Variants in ZNF254 observed in about 807,000 individuals in gnomAD.
ZNF254 encodes CTD-2017D11.1.
In ZNF254, 10 loss-of-function variants were observed where a neutral mutation model predicts 12.4. That is an observed-to-expected ratio of 0.80 (90% CI 0.50 to 1.36). The LOEUF (loss-of-function observed/expected upper bound fraction) is 1.36, where lower values mean the gene tolerates loss of function less well. Among genes scored for constraint, ZNF254 ranks in the 40% most tolerant of loss-of-function variants. The pLI, the probability that ZNF254 is intolerant of heterozygous loss-of-function variation, is 0.00. For missense variants in ZNF254, 996 were observed against 763.9 expected (o/e 1.30, Z -3.58); for synonymous variants, 305 against 253.4 (o/e 1.20, Z -1.93).
intron 2 of ZNF254, among the ~76,000 whole-genome samples, chr19:24,068,354 G>A (rs1425615814): frequency 6.6e-6 from 1 of 151,922 alleles, no homozygotes; most frequent in East Asian, 1.9e-4. Context: ...AGGTTGGAGT[G>A]CAGCGATGTG....
intron 3 of ZNF254, among the ~76,000 whole-genome samples, chr19:24,120,289 T>G (rs1974389264): frequency 6.6e-6 from 1 of 152,108 alleles, no homozygotes; most frequent in East Asian, 1.9e-4. Context: ...GAATTAAAGA[T>G]GAGACTTGGG....
chr19:24,049,198 ATATATATATATATATATT>A (rs1970532411), intron 2 of ZNF254, among the ~76,000 whole-genome samples: 1 of 61,208 alleles, frequency 1.6e-5, no homozygotes, highest in Non-Finnish European at 3.1e-5. Context: ...ATATATATAT[ATATATATATATATATATT>A]TTTTTTTTTT....
At chr19:24,115,338 T>C (rs1401006124) in intron 3 of ZNF254, among the ~76,000 whole-genome samples, 1 of 152,150 alleles carries the variant, frequency 6.6e-6, no homozygotes, top group Admixed American at 6.5e-5. Context: ...TGGAATACTA[T>C]GCAGCCATCA....
chr19:24,084,714 ACCT>A (rs1480303634), upstream of ZNF254, among the ~76,000 whole-genome samples: 7 of 150,974 alleles, frequency 4.6e-5, no homozygotes, highest in Non-Finnish European at 1.0e-4. Flanking sequence ...TGCAGCCTCG[ACCT>A]CCTTGGTTCA....
intron 2 of ZNF254, among the ~76,000 whole-genome samples, chr19:24,076,532 G>C (rs199800160): frequency 6.6e-6 from 1 of 152,106 alleles, no homozygotes; most frequent in South Asian, 2.1e-4. Flanking sequence ...CTAACCTGGG[G>C]TTGCAGCCCA....
rs1555772550 is a variant in ZNF254, at chr19:24,127,211, AACTC to A, written c.1212_1215del (p.Lys404AsnfsTer22). The A allele has an allele frequency of 5.0e-6, 8 of 1,613,240 alleles. No individual in the cohort carries two copies. Among genetic ancestry groups the A allele is most frequent in the Middle Eastern group, 1.7e-4 (1 of 6,058 alleles). On this transcript the variant is annotated frameshift_variant, in exon 4 of 4. Transcript: ENST00000357002. LOFTEE classifies it low-confidence loss of function (END_TRUNC). ...CATAAAATAATTCATGTTGGAGAGA[AACTC>A]TACAAATGTGAAGAATGCGGCAAAG...
At chr19:24,080,604 G>A (rs898809425) in intron 2 of ZNF254, 2 of 152,070 alleles carry the variant, frequency 1.3e-5, no homozygotes, top group African/African-American at 2.4e-5. Context: ...GGCCGAGGTG[G>A]GTGGATGACT....
At chr19:24,046,398 T>TATATATATATATATATATATAG (rs1970392417) in intron 2 of ZNF254, 1 of 146,846 alleles carries the variant, frequency 6.8e-6, no homozygotes, top group African/African-American at 2.5e-5. Flanking sequence ...TATATATATA[T>TATATATATATATATATATATAG]ATGTGCAGAT....
At chr19:24,085,120 A>T (rs1291873163), upstream of ZNF254, among the ~76,000 whole-genome samples, 1 of 149,354 alleles carries the variant, frequency 6.7e-6, no homozygotes, top group Non-Finnish European at 1.5e-5. Context: ...AATAGTGGAG[A>T]TGGGGGTTTC....
At chr19:24,058,393 TTTTC>T (rs199868845) in intron 2 of ZNF254, among the ~76,000 whole-genome samples, 2,631 of 111,556 alleles carry the variant, frequency 0.024, 74 homozygotes, top group African/African-American at 0.068. Flanking sequence ...GGAGTTTTCT[TTTTC>T]TTTCTTTCTT....
At chr19:24,095,853 CAGTTT>C (rs1485813965) in intron 1 of ZNF254, among the ~76,000 whole-genome samples, 1 of 151,866 alleles carries the variant, frequency 6.6e-6, no homozygotes, top group Non-Finnish European at 1.5e-5. Context: ...GTCTAAATCT[CAGTTT>C]AGTTCTGATT....
At chr19:24,106,934 G>T (rs1399496669) in intron 3 of ZNF254, 1 of 413,630 alleles carries the variant, frequency 2.4e-6, no homozygotes, top group East Asian at 4.0e-5. Flanking sequence ...TTCTTGTTTT[G>T]TGGACAGACA....
intron 1 of ZNF254, among the ~76,000 whole-genome samples, chr19:24,093,923 AGTT>A (rs1972533997): frequency 6.6e-6 from 1 of 152,206 alleles, no homozygotes; most frequent in Admixed American, 6.5e-5. Context: ...ATGAGCATAA[AGTT>A]GTTTTCCATT....
rs1224375421 is a variant in ZNF254, at chr19:24,117,474, CTG to C, written c.254-8777_254-8776del. Reference sequence around the variant, plus strand: ...TGCTGTGCTAGCAATCAGCGAGACTCTGTGGGCGTAGGACCCTCCGAGCCAGG... The same window carrying C: ...TGCTGTGCTAGCAATCAGCGAGACTCTGGGCGTAGGACCCTCCGAGCCAGG... On this transcript the variant is annotated intron_variant, in intron 3 of 3. Transcript: ENST00000357002. Among the ~76,000 whole-genome samples, 4 of 152,188 alleles carry C rather than the reference CTG, an allele frequency of 2.6e-5. No homozygotes were observed. The East Asian group carries it at 7.7e-4, about 29-fold the overall frequency.
intron 3 of ZNF254, among the ~76,000 whole-genome samples, chr19:24,108,882 G>A (rs1973492533): frequency 6.6e-6 from 1 of 152,312 alleles, no homozygotes; most frequent in East Asian, 1.9e-4. Context: ...AGAGCCAGGC[G>A]CGGTGGCTCA....
chr19:24,109,787 C>T (rs1973556561), intron 3 of ZNF254, among the ~76,000 whole-genome samples: 1 of 147,058 alleles, frequency 6.8e-6, no homozygotes, highest in Non-Finnish European at 1.5e-5. Context: ...CATGTGATCT[C>T]GGCTCACTGC....
chr19:24,065,356 CTG>C (rs1310547311), intron 2 of ZNF254: 4 of 152,184 alleles, frequency 2.6e-5, no homozygotes, highest in African/African-American at 9.7e-5. Context: ...GTTGAGAACT[CTG>C]TGATGTGACT....
Position 24,127,232 on chromosome 19 carries a change from G to A in ZNF254, c.1232G>A (p.Cys411Tyr), listed in dbSNP as rs368612172. ...VGEKLYKCEE[C>Y]GKGFNRSSNL... Reference sequence around the variant, plus strand: ...GAGAAACTCTACAAATGTGAAGAATGCGGCAAAGGTTTTAATCGATCTTCA... The same window carrying A: ...GAGAAACTCTACAAATGTGAAGAATACGGCAAAGGTTTTAATCGATCTTCA... The change falls in exon 4 of 4, where the codon TGC (cysteine) becomes TAC (tyrosine). Residue 411 changes from cysteine (C) to tyrosine (Y), a missense_variant. By Grantham distance (194) the Cys-to-Tyr change is radical. Coordinates refer to ENST00000357002, the MANE Select transcript of ZNF254 (RefSeq NM_203282.4). 6.2e-7 allele frequency: 1 copy of A among 1,612,932 alleles called. No homozygotes were observed. Among genetic ancestry groups the A allele is most frequent in the Non-Finnish European group, 8.5e-7 (1 of 1,179,602 alleles).
In ZNF254 at chr19:24,128,742, G is replaced by A. The variant is rs1599781900; in HGVS notation, c.*762G>A. 1 of 152,118 alleles carries A rather than the reference G, an allele frequency of 6.6e-6. No individual in the cohort carries two copies. Among genetic ancestry groups the A allele is most frequent in the East Asian group, 1.9e-4 (1 of 5,184 alleles). 9.4% of individuals were successfully genotyped at this position (152,118 alleles called of 1,614,324 possible). Reference sequence around the variant, plus strand: ...AAATATCAGGGAATAATTCACAGTAGAAATATCTAGGGCATTCAAGCTTTA... The same window carrying A: ...AAATATCAGGGAATAATTCACAGTAAAAATATCTAGGGCATTCAAGCTTTA... On this transcript the variant is annotated 3_prime_UTR_variant, in exon 4 of 4. Transcript: ENST00000357002.
Sources: gnomAD v4.1 joint callset for allele counts (sites outside exome capture counted in the v4.1 genomes callset) on GRCh38, gnomAD v4.1.1 for gene constraint, MANE v1.5 for transcripts, NCBI Gene and HGNC (gene_info 2026-07-23, HGNC 2026-07-21) for gene names.